NDC1: variants seen among roughly 807,000 people sequenced by gnomAD.
NDC1 encodes the protein NDC1 transmembrane nucleoporin.
A neutral mutation model predicts 89.8 loss-of-function variants in NDC1; 24 were observed. The ratio of observed to expected loss-of-function variants is 0.27; its 90% CI spans 0.19 to 0.38. The LOEUF is 0.38. NDC1 is among the 10% of genes least tolerant of loss of function. The pLI is 1.00. For missense variants in NDC1, 728 were observed against 797.6 expected (o/e 0.91, Z 1.05); for synonymous variants, 296 against 284.8 (o/e 1.04, Z -0.39).
At chr1:53,826,974 A>G (rs530196867) in intron 4 of NDC1, among the ~76,000 whole-genome samples, 1 of 152,240 alleles carries the variant, frequency 6.6e-6, no homozygotes, top group East Asian at 1.9e-4. Context: ...CTTCACTGCC[A>G]CCTCCATTAG....
chr1:53,787,184 G>A lies in NDC1; in HGVS notation c.1774C>T (p.Leu592Phe). Residue 592 changes from leucine (L) to phenylalanine (F), a missense_variant, in exon 16 of 18, where the codon CTT becomes TTT. By Grantham distance (22) the Leu-to-Phe change is conservative (BLOSUM62 0). Coordinates refer to ENST00000371429, the MANE Select transcript of NDC1 (RefSeq NM_018087.5). ...TCTTGCAGTGTCAACAAAGTATTAA[G>A]GATAGCTGGTAGTGTCGTCTGGACA... ...GVVQTTLPAI[L>F]NTLLTLQEAV... 1.2e-6 allele frequency: 2 copies of A among 1,609,470 alleles called. No homozygotes were observed. The highest frequency in any genetic ancestry group is 1.7e-6 in the Non-Finnish European group (2 of 1,177,538).
chr1:53,833,834 T>C (rs535989864), intron 2 of NDC1, among the ~76,000 whole-genome samples: 46 of 152,100 alleles, frequency 3.0e-4, no homozygotes, highest in South Asian at 1.0e-3. Context: ...CCTAAATTTT[T>C]TTTTTTTTTG....
intron 3 of NDC1, among the ~76,000 whole-genome samples, chr1:53,831,662 A>G (rs771618938): frequency 4.5e-4 from 68 of 151,466 alleles, no homozygotes; most frequent in Non-Finnish European, 8.5e-4. Context: ...ACAGAGCGAG[A>G]CTCTGTCTCA....
intron 14 of NDC1, among the ~76,000 whole-genome samples, chr1:53,791,188 G>A (rs911502021): frequency 5.3e-5 from 8 of 152,062 alleles, no homozygotes; most frequent in Non-Finnish European, 8.8e-5. Context: ...GTCCGGCCAG[G>A]CGAGGTGGCT....
chr1:53,773,820 T>C (rs991038052), intron 16 of NDC1, among the ~76,000 whole-genome samples: 1 of 152,040 alleles, frequency 6.6e-6, no homozygotes, highest in Non-Finnish European at 1.5e-5. Flanking sequence ...CACCCACAAC[T>C]CCCCCAGACT....
At chr1:53,807,848 C>A in intron 7 of NDC1, 57 bp from the exon 8 acceptor site, 1 of 1,495,346 alleles carries the variant, frequency 6.7e-7, no homozygotes, top group Non-Finnish European at 9.1e-7. Context: ...TAAATATTAA[C>A]ACACTTAAGT....
At chr1:53,827,891 T>C in intron 4 of NDC1, 108 bp downstream of exon 4, 1 of 803,368 alleles carries the variant, frequency 1.2e-6, no homozygotes, top group Non-Finnish European at 1.8e-6. Context: ...AAAAGCACCT[T>C]TTGCAGAAGT....
At chr1:53,801,886 A>G (rs1447069112) in intron 10 of NDC1, among the ~76,000 whole-genome samples, 1 of 152,156 alleles carries the variant, frequency 6.6e-6, no homozygotes, top group Non-Finnish European at 1.5e-5. Context: ...CCTCCCGAGT[A>G]GCTGGGATTA....
In NDC1 at chr1:53,767,119, G is replaced by C. The variant is rs1051703806; in HGVS notation, c.*851C>G. Reference sequence around the variant, plus strand: ...GAAGATGAATGGTGGGGAAAAAAGGGAACATTTCCTGGGTTTTTTTGCAAA... The same window carrying C: ...GAAGATGAATGGTGGGGAAAAAAGGCAACATTTCCTGGGTTTTTTTGCAAA... On this transcript the variant is annotated 3_prime_UTR_variant, in exon 18 of 18. Transcript: ENST00000371429. 3.9e-5 allele frequency: 6 copies of C among 152,140 alleles called. No individual in the cohort carries two copies. Among genetic ancestry groups the C allele is most frequent in the African/African-American group, 1.4e-4 (6 of 41,436 alleles). 9.4% of individuals were successfully genotyped at this position (152,140 alleles called of 1,614,324 possible). A position where few individuals can be genotyped will look rare whatever the true frequency, so the allele number is the denominator to read the frequency against.
At position 53,838,152 on chromosome 1, in the gene NDC1, T is replaced by C. The variant is rs114328865; in HGVS notation, c.57+53A>G. ...CCAGCGCGCACGCGCGATCAGAGCT[T>C]GCCCGCCCGGCCCGACCCTGGCAGT... is the stretch of plus-strand genomic sequence containing the variant. On this transcript the variant is annotated intron_variant, in intron 1 of 17. Coordinates refer to ENST00000371429, the MANE Select transcript of NDC1 (RefSeq NM_018087.5). 5.0e-3 allele frequency: 7,528 copies of C among 1,510,790 alleles called. 64 individuals are homozygous for C. The highest frequency in any genetic ancestry group is 0.031 in the African/African-American group (2,211 of 72,320). 93.6% of individuals were successfully genotyped at this position (1,510,790 alleles called of 1,614,324 possible). A position where few individuals can be genotyped will look rare whatever the true frequency, so the allele number is the denominator to read the frequency against.
At position 53,828,105 on chromosome 1, in the gene NDC1, G is replaced by T. The variant is rs375742323; in HGVS notation, c.349C>A (p.His117Asn). The T allele has an allele frequency of 7.4e-6, 12 of 1,614,138 alleles. No homozygotes were observed. In the African/African-American group the frequency reaches 1.2e-4, roughly 16 times the overall value. ...CCCATTGCAGCATGAATAAATGAGTGCATGAGTTGCTGAGGATGAATGATC... is the reference window on the plus strand; with the variant it reads ...CCCATTGCAGCATGAATAAATGAGTTCATGAGTTGCTGAGGATGAATGATC... ...GKIIHPQQLM[H>N]SFIHAAMGMV... Residue 117 changes from histidine (H) to asparagine (N), a missense_variant, in exon 4 of 18, where the codon CAC becomes AAC. By Grantham distance (68) the His-to-Asn change is moderately conservative. Transcript: ENST00000371429.
chr1:53,822,884 C>A (rs1388100500), intron 5 of NDC1, among the ~76,000 whole-genome samples: 1 of 152,144 alleles, frequency 6.6e-6, no homozygotes, highest in Non-Finnish European at 1.5e-5. Flanking sequence ...ACATCGCGCT[C>A]TATAGAGGGT....
chr1:53,830,886 C>T (rs569857649), intron 3 of NDC1, among the ~76,000 whole-genome samples: 18 of 147,868 alleles, frequency 1.2e-4, no homozygotes, highest in Non-Finnish European at 2.5e-4. Flanking sequence ...TCCTCCCGGT[C>T]TGAGTATTCT....
chr1:53,824,093 G>T (rs1006861635), intron 5 of NDC1, among the ~76,000 whole-genome samples: 1 of 151,856 alleles, frequency 6.6e-6, no homozygotes, highest in Non-Finnish European at 1.5e-5. Context: ...AAGTAGCCAG[G>T]CTTGGTGGTG....
rs1256328275 is a variant in NDC1, at chr1:53,806,516, G to A, written c.893C>T (p.Ala298Val). 6 of 1,471,890 alleles carry A rather than the reference G, an allele frequency of 4.1e-6. No homozygotes were observed. Among genetic ancestry groups the A allele is most frequent in the Non-Finnish European group, 4.5e-6 (5 of 1,112,172 alleles). The allele number at this position is 1,471,890 out of a possible 1,614,324, so 91.2% of individuals were successfully genotyped here. Residue 298 changes from alanine (A) to valine (V), a missense_variant and splice_region_variant, in exon 9 of 18, where the codon GCT (alanine) becomes GTT (valine). Coordinates refer to ENST00000371429, the MANE Select transcript of NDC1 (RefSeq NM_018087.5). ...TGGTGGTTGAACAGGAAACACATGAGCCTATCAAATAAATTAAAAACCAAA... is the reference window on the plus strand; with the variant it reads ...TGGTGGTTGAACAGGAAACACATGAACCTATCAAATAAATTAAAAACCAAA... ...WILFKIYATEAHVFPVQPPFA... is the reference protein window; with the variant it reads ...WILFKIYATEVHVFPVQPPFA...
chr1:53,792,201 A>C (rs565106403), intron 14 of NDC1, among the ~76,000 whole-genome samples: 72 of 151,834 alleles, frequency 4.7e-4, no homozygotes, highest in Admixed American at 2.3e-3. Context: ...CTTGGCCTCC[A>C]AAAGTGCTGG....
At chr1:53,776,741 T>C (rs1296596846) in intron 16 of NDC1, among the ~76,000 whole-genome samples, 3 of 152,170 alleles carry the variant, frequency 2.0e-5, no homozygotes, top group Non-Finnish European at 4.4e-5. Flanking sequence ...GAATTATCAA[T>C]TGTATTCAAT....
intron 10 of NDC1, among the ~76,000 whole-genome samples, chr1:53,802,903 T>C (rs908523658): frequency 1.3e-5 from 2 of 152,138 alleles, no homozygotes; most frequent in Non-Finnish European, 1.5e-5. Context: ...CAGAGTAGCA[T>C]AGCAGAAGGA....
At chr1:53,790,635 A>G (rs866796540) in intron 14 of NDC1, among the ~76,000 whole-genome samples, 3 of 151,848 alleles carry the variant, frequency 2.0e-5, no homozygotes, top group Non-Finnish European at 4.4e-5. Context: ...TGAACCCGGG[A>G]GGCAGAGGTT....
Sources: gnomAD v4.1 joint callset for allele counts (sites outside exome capture counted in the v4.1 genomes callset) on GRCh38, gnomAD v4.1.1 for gene constraint, MANE v1.5 for transcripts, NCBI Gene and HGNC (gene_info 2026-07-23, HGNC 2026-07-21) for gene names.